Variants in SLC24A2 observed in about 807,000 individuals in gnomAD.
SLC24A2 encodes sodium/potassium/calcium exchanger 2.
SLC24A2 carries 36 observed loss-of-function variants against 62.0 expected under a neutral mutation model. The observed-to-expected ratio is 0.58, with a 90% CI of 0.44 to 0.77. The LOEUF (loss-of-function observed/expected upper bound fraction) is 0.77. Ranked by LOEUF, SLC24A2 falls within the 30% of genes least tolerant of loss-of-function variation. The probability of loss-of-function intolerance (pLI) is 0.00; values close to 1 mark genes in which losing one functional copy is unlikely to be tolerated. For synonymous variants in SLC24A2, 358 were observed against 294.0 expected (o/e 1.22, Z -2.23); for missense variants, 846 against 817.9 (o/e 1.03, Z -0.42).
At chr9:20,076,499 G>C in the SLC24A2 span, among the ~76,000 whole-genome samples, 3 of 152,220 alleles carry the variant, frequency 2.0e-5, no homozygotes, top group African/African-American at 7.2e-5. Flanking sequence ...GGGATGCCAA[G>C]GAGCACCAGT....
chr9:19,673,465 T>TG (rs1482527219), intron 2 of SLC24A2, among the ~76,000 whole-genome samples: 1 of 85,072 alleles, frequency 1.2e-5, no homozygotes, highest in Non-Finnish European at 2.4e-5. Flanking sequence ...GTGTGTGTGT[T>TG]TGAGACACAG....
intron 2 of SLC24A2, among the ~76,000 whole-genome samples, chr9:19,645,802 C>G (rs944767109): frequency 2.0e-5 from 3 of 152,174 alleles, no homozygotes; most frequent in African/African-American, 7.2e-5. Context: ...ACAAACTTTT[C>G]TAGTCTGCAA....
chr9:20,132,054 T>C, the SLC24A2 span, among the ~76,000 whole-genome samples: 2 of 152,110 alleles, frequency 1.3e-5, no homozygotes, highest in South Asian at 4.1e-4. Context: ...ATACTGTAAA[T>C]GTGGCTATTT....
the SLC24A2 span, among the ~76,000 whole-genome samples, chr9:20,137,383 G>C: frequency 4.6e-5 from 7 of 152,212 alleles, no homozygotes; most frequent in South Asian, 1.4e-3. Context: ...CTGGCAGAGA[G>C]AGCACTGAAG....
chr9:19,523,018 T>C lies in SLC24A2; in HGVS notation c.1570-1958A>G, dbSNP rs189926762. On this transcript the variant is annotated intron_variant, in intron 9 of 10. Transcript: ENST00000341998. Reference sequence around the variant, plus strand: ...TAAATTCTTGGAGGGAATTCTAAAGTAGTGACTGAAAAATTATTTGCTGGG... The same window carrying C: ...TAAATTCTTGGAGGGAATTCTAAAGCAGTGACTGAAAAATTATTTGCTGGG... Among the ~76,000 whole-genome samples the C allele has an allele frequency of 1.5e-3, 234 of 152,272 alleles. 1 individual carries two copies. Among genetic ancestry groups the C allele is most frequent in the Non-Finnish European group, 4.0e-4 (27 of 68,030 alleles).
intron 8 of SLC24A2, among the ~76,000 whole-genome samples, chr9:19,534,343 AT>A (rs1186564873): frequency 6.6e-6 from 1 of 152,004 alleles, no homozygotes; most frequent in East Asian, 1.9e-4. Context: ...TAAATTGTAC[AT>A]TTTTTGTCTT....
At chr9:19,909,204 C>G in the SLC24A2 span, among the ~76,000 whole-genome samples, 1 of 152,022 alleles carries the variant, frequency 6.6e-6, no homozygotes, top group Non-Finnish European at 1.5e-5. Flanking sequence ...AAGCTGGAAA[C>G]CGTCATTCTC....
At chr9:19,855,860 G>A in the SLC24A2 span, among the ~76,000 whole-genome samples, 1 of 152,148 alleles carries the variant, frequency 6.6e-6, no homozygotes, top group African/African-American at 2.4e-5. Flanking sequence ...AGTTCTCCTG[G>A]ATAATATCTT....
At chr9:19,578,687 G>C (rs1002139610) in intron 5 of SLC24A2, among the ~76,000 whole-genome samples, 3 of 152,120 alleles carry the variant, frequency 2.0e-5, no homozygotes, top group African/African-American at 7.2e-5. Flanking sequence ...AAGCATGGCA[G>C]ATTGGCACCC....
chr9:19,917,969 T>A, the SLC24A2 span, among the ~76,000 whole-genome samples: 2 of 152,178 alleles, frequency 1.3e-5, no homozygotes, highest in Non-Finnish European at 2.9e-5. Context: ...ATTAAGAGAA[T>A]AACTATCTAT....
the SLC24A2 span, among the ~76,000 whole-genome samples, chr9:20,119,979 G>A: frequency 6.6e-6 from 1 of 152,090 alleles, no homozygotes. Flanking sequence ...AGTCTCACTG[G>A]GCTGAGATCA....
the SLC24A2 span, among the ~76,000 whole-genome samples, chr9:19,816,353 C>T: frequency 5.3e-5 from 8 of 152,060 alleles, no homozygotes; most frequent in African/African-American, 1.7e-4. Context: ...AGAAGTGACA[C>T]GCATTACCTC....
chr9:19,639,959 A>G (rs1272351330), intron 2 of SLC24A2, among the ~76,000 whole-genome samples: 1 of 152,232 alleles, frequency 6.6e-6, no homozygotes, highest in Non-Finnish European at 1.5e-5. Flanking sequence ...CCCAAACCAT[A>G]TGCCCTCTTA....
intron 7 of SLC24A2, among the ~76,000 whole-genome samples, chr9:19,553,936 C>G (rs1337063810): frequency 6.6e-6 from 1 of 152,132 alleles, no homozygotes; most frequent in African/African-American, 2.4e-5. Context: ...TGTGTTCCCT[C>G]CAATCATGCC....
chr9:19,933,204 G>C, the SLC24A2 span, among the ~76,000 whole-genome samples: 49 of 152,296 alleles, frequency 3.2e-4, no homozygotes, highest in Admixed American at 1.8e-3. Flanking sequence ...CCTGTAGAGA[G>C]GGGCACAGCC....
the SLC24A2 span, among the ~76,000 whole-genome samples, chr9:19,919,539 C>T: frequency 6.6e-4 from 100 of 152,102 alleles, no homozygotes; most frequent in Non-Finnish European, 1.2e-3. Flanking sequence ...TACAATTACA[C>T]ATCAAAACAT....
At chr9:19,895,809 G>A in the SLC24A2 span, 7 of 1,597,972 alleles carry the variant, frequency 4.4e-6, no homozygotes, top group Admixed American at 1.7e-5. Context: ...ATCTGCTTGG[G>A]TTGCAGCTGG....
chr9:19,921,160 C>A, the SLC24A2 span, among the ~76,000 whole-genome samples: 2 of 151,764 alleles, frequency 1.3e-5, no homozygotes, highest in Admixed American at 1.3e-4. Context: ...TACCTGTCTT[C>A]TCCTCACCTT....
the SLC24A2 span, among the ~76,000 whole-genome samples, chr9:20,191,556 G>A: frequency 6.6e-6 from 1 of 151,738 alleles, no homozygotes; most frequent in Non-Finnish European, 1.5e-5. Flanking sequence ...TATTCCCTAT[G>A]GCTAGGTAAT....
Sources: gnomAD v4.1 joint callset for allele counts (sites outside exome capture counted in the v4.1 genomes callset) on GRCh38, gnomAD v4.1.1 for gene constraint, MANE v1.5 for transcripts, NCBI Gene and HGNC (gene_info 2026-07-23, HGNC 2026-07-21) for gene names.